Variants in SNTG1 observed in about 807,000 individuals in gnomAD.
The protein encoded by SNTG1 is gamma-1-syntrophin.
Under a neutral mutation model 74.7 loss-of-function variants are expected in SNTG1, and 39 were observed. That is an observed-to-expected ratio of 0.52 (90% CI 0.40 to 0.68). The LOEUF (loss-of-function observed/expected upper bound fraction) is 0.68. Ranked by LOEUF, SNTG1 falls within the 30% of genes least tolerant of loss-of-function variation. The pLI is 0.00. For missense variants in SNTG1, 685 were observed against 609.5 expected (o/e 1.12, Z -1.30); for synonymous variants, 254 against 217.1 (o/e 1.17, Z -1.49).
At position 50,176,828 on chromosome 8, in the gene SNTG1, C is replaced by A. The variant is rs866994401; in HGVS notation, c.-28+4193C>A. ...GTCTAGCTACACTTAAAAATAGTCCCTTTTATTGTTCGTATTGTCTACCCT... is the reference window on the plus strand; with the variant it reads ...GTCTAGCTACACTTAAAAATAGTCCATTTTATTGTTCGTATTGTCTACCCT... On this transcript the variant is annotated intron_variant, in intron 2 of 18. Coordinates refer to ENST00000642720, the MANE Select transcript of SNTG1 (RefSeq NM_018967.5). Among the ~76,000 whole-genome samples, 19 of 152,272 alleles carry A rather than the reference C, an allele frequency of 1.2e-4. No homozygotes were observed. In the Middle Eastern group the frequency reaches 0.01, roughly 82 times the overall value.
intron 1 of SNTG1, among the ~76,000 whole-genome samples, chr8:50,053,195 T>C (rs533751610): frequency 1.3e-5 from 2 of 152,226 alleles, no homozygotes; most frequent in South Asian, 2.1e-4. Context: ...CATTAACTGA[T>C]GAATGGATGA....
chr8:50,333,029 T>A (rs1255354275), intron 2 of SNTG1, among the ~76,000 whole-genome samples: 1 of 152,240 alleles, frequency 6.6e-6, no homozygotes, highest in Admixed American at 6.5e-5. Flanking sequence ...TAGCTAGCAA[T>A]AGTTTGATAT....
At chr8:50,549,693 A>C (rs1352110644) in intron 11 of SNTG1, among the ~76,000 whole-genome samples, 1 of 152,060 alleles carries the variant, frequency 6.6e-6, no homozygotes, top group Non-Finnish European at 1.5e-5. Flanking sequence ...TCAGATCCAC[A>C]CACAATGTGC....
intron 13 of SNTG1, among the ~76,000 whole-genome samples, chr8:50,629,132 C>T (rs968184438): frequency 6.6e-6 from 1 of 152,092 alleles, no homozygotes; most frequent in Non-Finnish European, 1.5e-5. Flanking sequence ...AAGATAATTT[C>T]TGGGGATCTA....
rs997586962 is a variant in SNTG1, at chr8:50,688,992, C to T, written c.1039-15608C>T. On this transcript the variant is annotated intron_variant, in intron 15 of 18. Coordinates refer to ENST00000642720, the MANE Select transcript of SNTG1 (RefSeq NM_018967.5). Reference sequence around the variant, plus strand: ...CTTCACATCCCTTGTAAATTGGATTCCTAGGTATTTTATTCTCTTTGAAGC... The same window carrying T: ...CTTCACATCCCTTGTAAATTGGATTTCTAGGTATTTTATTCTCTTTGAAGC... 2.0e-5 allele frequency among the ~76,000 whole-genome samples: 3 copies of T among 151,806 alleles called. No homozygotes were observed. The South Asian group carries it at 6.2e-4, about 32-fold the overall frequency.
At chr8:50,380,010 A>T (rs964668969) in intron 2 of SNTG1, among the ~76,000 whole-genome samples, 1 of 152,224 alleles carries the variant, frequency 6.6e-6, no homozygotes, top group Non-Finnish European at 1.5e-5. Context: ...AGGATGGCAG[A>T]GAAATTGGAG....
intron 4 of SNTG1, among the ~76,000 whole-genome samples, chr8:50,437,380 G>C (rs1298531726): frequency 3.3e-5 from 5 of 151,906 alleles, no homozygotes; most frequent in African/African-American, 1.2e-4. Flanking sequence ...CAAACTTTTG[G>C]CTAAACAAGG....
chr8:49,953,941 A>C (rs1809945026), intron 1 of SNTG1, among the ~76,000 whole-genome samples: 1 of 152,178 alleles, frequency 6.6e-6, no homozygotes, highest in Admixed American at 6.5e-5. Context: ...ATGCACTTCT[A>C]TTATATTCAT....
At chr8:50,763,682 G>A (rs1328440743) in intron 18 of SNTG1, among the ~76,000 whole-genome samples, 2 of 148,460 alleles carry the variant, frequency 1.3e-5, no homozygotes, top group African/African-American at 5.0e-5. Context: ...GTGTGTGTGT[G>A]TGTGTGTGTG....
At chr8:50,534,340 G>A (rs1314639307) in intron 10 of SNTG1, among the ~76,000 whole-genome samples, 1 of 152,098 alleles carries the variant, frequency 6.6e-6, no homozygotes, top group African/African-American at 2.4e-5. Flanking sequence ...CTTGCTTTGT[G>A]CAGCTGGGTG....
intron 1 of SNTG1, among the ~76,000 whole-genome samples, chr8:50,016,826 A>G: frequency 6.6e-6 from 1 of 152,174 alleles, no homozygotes; most frequent in Non-Finnish European, 1.5e-5. Flanking sequence ...AATGTATTCC[A>G]ATATCAAACA....
chr8:50,242,761 C>G (rs909373269), intron 2 of SNTG1, among the ~76,000 whole-genome samples: 9 of 149,624 alleles, frequency 6.0e-5, no homozygotes, highest in African/African-American at 2.2e-4. Flanking sequence ...ATATAATTAT[C>G]TATTATCATA....
Position 49,960,021 on chromosome 8 carries a change from T to A in SNTG1, c.-103+47790T>A, listed in dbSNP as rs146744608. Among the ~76,000 whole-genome samples the A allele has an allele frequency of 1.1e-4, 16 of 152,336 alleles. No individual in the cohort carries two copies. The East Asian group carries it at 2.5e-3, about 24-fold the overall frequency. ...TAGCGTCAACAGTATAACTCAAAAT[T>A]TGCTTGAGATTCAGTTCAGCATTCT... On this transcript the variant is annotated intron_variant, in intron 1 of 18. Transcript: ENST00000642720.
chr8:49,984,937 TG>T (rs970173176), intron 1 of SNTG1, among the ~76,000 whole-genome samples: 2 of 151,608 alleles, frequency 1.3e-5, no homozygotes, highest in Non-Finnish European at 3.0e-5. Flanking sequence ...TGTTGGAGTA[TG>T]TTTTTTTTAC....
chr8:50,416,872 T>C (rs113646150), intron 4 of SNTG1, among the ~76,000 whole-genome samples: 24 of 1,278 alleles, frequency 0.019, no homozygotes, highest in African/African-American at 0.032. Context: ...GTCAAGCAGA[T>C]AGATACTTGT....
intron 1 of SNTG1, among the ~76,000 whole-genome samples, chr8:50,007,019 G>C (rs1345042081): frequency 6.6e-6 from 1 of 152,094 alleles, no homozygotes; most frequent in African/African-American, 2.4e-5. Flanking sequence ...CCCTGCTGCT[G>C]TCTCTGGTAA....
chr8:50,294,659 A>G (rs978577700), intron 2 of SNTG1, among the ~76,000 whole-genome samples: 4 of 152,204 alleles, frequency 2.6e-5, no homozygotes, highest in Non-Finnish European at 5.9e-5. Context: ...GTTATGGCAA[A>G]TCTGCTTTCC....
At chr8:50,150,920 C>T (rs2082046776) in intron 1 of SNTG1, among the ~76,000 whole-genome samples, 1 of 152,154 alleles carries the variant, frequency 6.6e-6, no homozygotes, top group Admixed American at 6.5e-5. Flanking sequence ...TGATGCTGGC[C>T]TCATAAAATG....
intron 3 of SNTG1, among the ~76,000 whole-genome samples, chr8:50,397,615 A>C (rs4607635): frequency 0.95 from 143,998 of 152,268 alleles, 68,374 homozygotes; most frequent in Non-Finnish European, 1. Context: ...CTTCAATACA[A>C]GAAGAATAGC....
Sources: gnomAD v4.1 joint callset for allele counts (sites outside exome capture counted in the v4.1 genomes callset) on GRCh38, gnomAD v4.1.1 for gene constraint, MANE v1.5 for transcripts, NCBI Gene and HGNC (gene_info 2026-07-23, HGNC 2026-07-21) for gene names.